Variants in MEIS1 observed in about 807,000 individuals in gnomAD.
MEIS1 encodes the protein Meis homeobox 1, also known as homeobox protein Meis1.
In MEIS1, 5 loss-of-function variants were observed where a neutral mutation model predicts 50.8. The ratio of observed to expected loss-of-function variants is 0.10; its 90% CI spans 0.05 to 0.21. The LOEUF is 0.21. Ranked by LOEUF, MEIS1 falls within the 10% of genes least tolerant of loss-of-function variation. The pLI, the probability that MEIS1 is intolerant of heterozygous loss-of-function variation, is 1.00. For missense variants in MEIS1, 318 were observed against 517.3 expected, an observed-to-expected ratio of 0.61 and a Z score of 3.74; for synonymous variants, 176 against 179.3, an observed-to-expected ratio of 0.98 and a Z score of 0.15.
At chr2:66,556,946 G>A (rs561832305) in intron 9 of MEIS1, among the ~76,000 whole-genome samples, 3 of 152,100 alleles carry the variant, frequency 2.0e-5, no homozygotes, top group African/African-American at 7.2e-5. Context: ...AGGGGGTAGC[G>A]GGGCACATAA....
chr2:66,533,017 T>A (rs1415643822), intron 8 of MEIS1, among the ~76,000 whole-genome samples: 1 of 152,222 alleles, frequency 6.6e-6, no homozygotes, highest in Non-Finnish European at 1.5e-5. Flanking sequence ...TGTGCTAGAA[T>A]TGAAATAATT....
At position 66,571,734 on chromosome 2, in the gene MEIS1, AAG is replaced by A; in HGVS notation, c.*529_*530del. 1 of 582,556 alleles carries A rather than the reference AAG, an allele frequency of 1.7e-6. No individual in the cohort carries two copies. The highest frequency in any genetic ancestry group is 3.0e-6 in the Non-Finnish European group (1 of 334,908). 36.1% of individuals were successfully genotyped at this position (582,556 alleles called of 1,614,324 possible). ...AACTATATAAGACATTAAGAGAACA[AAG>A]AGTGAAATATTGTAAATGCTATTAT... is the stretch of plus-strand genomic sequence containing the variant. On this transcript the variant is annotated 3_prime_UTR_variant, in exon 13 of 13. Transcript: ENST00000272369.
At chr2:66,472,653 G>A (rs1324603927) in intron 7 of MEIS1, among the ~76,000 whole-genome samples, 1 of 152,236 alleles carries the variant, frequency 6.6e-6, no homozygotes, top group Non-Finnish European at 1.5e-5. Context: ...GGTCAGGCCT[G>A]CTGGATGAAA....
At chr2:66,532,146 TAGTC>T (rs1385195663) in intron 8 of MEIS1, among the ~76,000 whole-genome samples, 1 of 152,174 alleles carries the variant, frequency 6.6e-6, no homozygotes, top group African/African-American at 2.4e-5. Flanking sequence ...TCACCATAGA[TAGTC>T]AGTATAATGA....
intron 6 of MEIS1, among the ~76,000 whole-genome samples, chr2:66,455,086 A>G (rs542629715): frequency 6.6e-6 from 1 of 152,312 alleles, no homozygotes; most frequent in East Asian, 1.9e-4. Context: ...TTATAATACA[A>G]TGGCATAGAA....
chr2:66,536,465 C>T (rs1674520506), intron 8 of MEIS1, among the ~76,000 whole-genome samples: 1 of 152,058 alleles, frequency 6.6e-6, no homozygotes, highest in African/African-American at 2.4e-5. Context: ...ATAATTATAC[C>T]CGTAGCAATG....
At chr2:66,567,350 C>A in intron 9 of MEIS1, 103 bp from the exon 10 acceptor site, 2 of 1,273,162 alleles carry the variant, frequency 1.6e-6, no homozygotes, top group Non-Finnish European at 2.2e-6. Context: ...TCCCATTTTG[C>A]CAAGATCTAG....
At chr2:66,481,506 G>T (rs893072653) in intron 7 of MEIS1, among the ~76,000 whole-genome samples, 1 of 152,204 alleles carries the variant, frequency 6.6e-6, no homozygotes, top group African/African-American at 2.4e-5. Context: ...TGACAGCAAT[G>T]ACGCTGCCAT....
intron 8 of MEIS1, among the ~76,000 whole-genome samples, chr2:66,522,454 G>A (rs1387146718): frequency 3.3e-5 from 5 of 152,214 alleles, no homozygotes; most frequent in African/African-American, 9.6e-5. Context: ...TCCTCCTGTT[G>A]GAGATGCCTG....
intron 8 of MEIS1, among the ~76,000 whole-genome samples, chr2:66,534,668 C>T (rs1006402727): frequency 1.3e-5 from 2 of 152,176 alleles, no homozygotes; most frequent in African/African-American, 4.8e-5. Context: ...TCCACATAGG[C>T]CTAAGTTTTC....
intron 6 of MEIS1, among the ~76,000 whole-genome samples, chr2:66,456,835 C>G (rs1476671494): frequency 6.6e-6 from 1 of 152,170 alleles, no homozygotes; most frequent in Admixed American, 6.5e-5. Context: ...CCTCAGGCAC[C>G]TACCACTATT....
At chr2:66,567,241 A>C (rs945858162) in intron 9 of MEIS1, among the ~76,000 whole-genome samples, 2 of 152,160 alleles carry the variant, frequency 1.3e-5, no homozygotes, top group South Asian at 2.1e-4. Flanking sequence ...ACATAAATCA[A>C]CTCAGAAACC....
rs369158136 is a variant in MEIS1 at position 66,543,024 on chromosome 2, C to T, written c.889-4919C>T. ...ACACTTTCTTTCAATGTATTGTAAA[C>T]TTGTAAATACCAGATAACCAACTTA... On this transcript the variant is annotated intron_variant, in intron 8 of 12. Transcript: ENST00000272369. Among the ~76,000 whole-genome samples, 129 of 152,270 alleles carry T rather than the reference C, an allele frequency of 8.5e-4. No homozygotes were observed. In the South Asian group the frequency reaches 9.7e-3, roughly 12 times the overall value.
chr2:66,474,358 A>G (rs756950462), intron 7 of MEIS1, among the ~76,000 whole-genome samples: 5 of 152,072 alleles, frequency 3.3e-5, no homozygotes, highest in Admixed American at 1.3e-4. Context: ...AAGGGTAACT[A>G]TGCTACCCTG....
At chr2:66,485,340 T>G (rs538995116) in intron 7 of MEIS1, among the ~76,000 whole-genome samples, 191 of 152,214 alleles carry the variant, frequency 1.3e-3, no homozygotes, top group African/African-American at 4.5e-3. Context: ...CACTTATGAG[T>G]GAGAACATGT....
intron 7 of MEIS1, among the ~76,000 whole-genome samples, chr2:66,496,592 GTCC>G (rs1673411434): frequency 6.6e-6 from 1 of 152,120 alleles, no homozygotes; most frequent in African/African-American, 2.4e-5. Flanking sequence ...TGTTTGCTTT[GTCC>G]TTCTTTATGT....
At chr2:66,531,072 G>T (rs558352895) in intron 8 of MEIS1, among the ~76,000 whole-genome samples, 2 of 152,144 alleles carry the variant, frequency 1.3e-5, no homozygotes, top group African/African-American at 4.8e-5. Context: ...AACTGTACAC[G>T]TTAACAGGTG....
chr2:66,512,701 CA>C (rs1673863832), intron 8 of MEIS1, among the ~76,000 whole-genome samples: 1 of 152,136 alleles, frequency 6.6e-6, no homozygotes, highest in South Asian at 2.1e-4. Context: ...AAATGGTCCA[CA>C]AAAATTTAAA....
intron 6 of MEIS1, among the ~76,000 whole-genome samples, chr2:66,446,442 C>G (rs1331699959): frequency 6.6e-6 from 1 of 152,138 alleles, no homozygotes; most frequent in African/African-American, 2.4e-5. Context: ...GGCCGCCTCC[C>G]GGGGTGGCCA....
Sources: allele counts gnomAD v4.1 joint callset (sites outside exome capture counted in the v4.1 genomes callset), GRCh38; gene constraint gnomAD v4.1.1; transcripts MANE v1.5; gene names NCBI Gene and HGNC (gene_info 2026-07-23, HGNC 2026-07-21).